SMU1: variants seen among roughly 807,000 people sequenced by gnomAD.
SMU1 encodes SMU1 DNA replication regulator and spliceosomal factor, also known as WD40 repeat-containing protein SMU1.
In SMU1, 2 loss-of-function variants were observed where a neutral mutation model predicts 62.0. That is an observed-to-expected ratio of 0.03 (90% CI 0.01 to 0.10). SMU1 has a LOEUF of 0.10. Ranked by LOEUF, SMU1 falls within the 10% of genes least tolerant of loss-of-function variation. The pLI, the probability that SMU1 is intolerant of heterozygous loss-of-function variation, is 1.00. For synonymous variants in SMU1, 188 were observed against 212.4 expected (o/e 0.89, Z 1.00); for missense variants, 227 against 622.1 (o/e 0.36, Z 6.76).
In SMU1 at chr9:33,057,676, C is replaced by T; in HGVS notation, c.789G>A (p.Met263Ile). Residue 263 changes from methionine to isoleucine, a missense_variant, in exon 7 of 12, where the codon ATG (methionine) becomes ATA (isoleucine). Around this residue, in one of 5 missense-constraint regions of SMU1, gnomAD observed 98 missense variants for 195.9 expected, o/e 0.50. Coordinates refer to ENST00000397149, the MANE Select transcript of SMU1 (RefSeq NM_018225.3). ...KYQAQDNFMM[M>I]DDAVLCMCFS... ...AACACATGCAGAGGACAGCATCATC[C>T]ATCATCATAAAGTTATCTTGGGCCT... 1.2e-6 allele frequency: 2 copies of T among 1,613,886 alleles called. No individual in the cohort carries two copies. Among genetic ancestry groups the T allele is most frequent in the South Asian group, 1.1e-5 (1 of 91,076 alleles).
At chr9:33,063,289 G>A (rs573924086) in intron 4 of SMU1, among the ~76,000 whole-genome samples, 1 of 152,090 alleles carries the variant, frequency 6.6e-6, no homozygotes, top group Non-Finnish European at 1.5e-5. Context: ...TTGAACCCGG[G>A]ACGCAGAGGT....
intron 4 of SMU1, among the ~76,000 whole-genome samples, chr9:33,065,518 T>C (rs887728057): frequency 6.6e-6 from 1 of 152,118 alleles, no homozygotes; most frequent in African/African-American, 2.4e-5. Context: ...AGTTAAATTT[T>C]AGAAGGTGAA....
chr9:33,074,451 A>C (rs2026830), intron 1 of SMU1, among the ~76,000 whole-genome samples: 47,331 of 148,452 alleles, frequency 0.32, 7,462 homozygotes, highest in Middle Eastern at 0.38. Context: ...CACACACACA[A>C]AAAAAAAAAT....
rs538127704 is a variant in SMU1 at position 33,043,734 on chromosome 9, C to G, written c.*3559G>C. ...GAGTGAGGCAAGAGAGAAAAAAAAC[C>G]TAGCTTCGGAGTCACATCTGGTTTT... On this transcript the variant is annotated 3_prime_UTR_variant, in exon 12 of 12. Coordinates refer to ENST00000397149, the MANE Select transcript of SMU1 (RefSeq NM_018225.3). The G allele has an allele frequency of 5.1e-4, 78 of 152,248 alleles. No homozygotes were observed. The highest frequency in any genetic ancestry group is 1.7e-3 in the African/African-American group (72 of 41,524). 9.4% of individuals were successfully genotyped at this position (152,248 alleles called of 1,614,324 possible).
intron 4 of SMU1, among the ~76,000 whole-genome samples, chr9:33,066,903 G>A (rs1839427521): frequency 6.6e-6 from 1 of 152,080 alleles, no homozygotes; most frequent in Non-Finnish European, 1.5e-5. Context: ...TCCTGGTACA[G>A]TAACTGTGCA....
intron 1 of SMU1, 95 bp downstream of exon 1, chr9:33,076,488 G>A: frequency 6.8e-7 from 1 of 1,463,006 alleles, no homozygotes; most frequent in Non-Finnish European, 9.5e-7. Context: ...TCCACTCCCT[G>A]GCCTCTCGGA....
chr9:33,064,054 C>T (rs1224222331), intron 4 of SMU1, among the ~76,000 whole-genome samples: 1 of 151,986 alleles, frequency 6.6e-6, no homozygotes, highest in Non-Finnish European at 1.5e-5. Flanking sequence ...TGAGCTTTAA[C>T]GTGATAAAGG....
At chr9:33,068,985 TG>T in intron 3 of SMU1, 51 bp from the exon 4 acceptor site, 1 of 1,588,946 alleles carries the variant, frequency 6.3e-7, no homozygotes, top group Non-Finnish European at 8.6e-7. Flanking sequence ...CAACAAGATA[TG>T]AGTGTGCTTA....
chr9:33,069,139 G>A (rs1216503492), intron 3 of SMU1, among the ~76,000 whole-genome samples: 1 of 152,168 alleles, frequency 6.6e-6, no homozygotes, highest in Non-Finnish European at 1.5e-5. Context: ...TATGAGTTGG[G>A]AGAAAACTGA....
In SMU1 at chr9:33,056,973, GAAAA is replaced by G. The variant is rs35445781; in HGVS notation, c.868-13_868-10del. 1.5e-6 allele frequency: 2 copies of G among 1,335,652 alleles called. No homozygotes were observed. Among genetic ancestry groups the G allele is most frequent in the Admixed American group, 2.2e-5 (1 of 45,168 alleles). The allele number at this position is 1,335,652 out of a possible 1,614,324, so 82.7% of individuals were successfully genotyped here. ...CTCTGAATCTTCCACACCTTTATTTGAAAAAAAAAAAAGAATTAAAAAAACCTTG... is the reference window on the plus strand; with the variant it reads ...CTCTGAATCTTCCACACCTTTATTTGAAAAAAAAGAATTAAAAAAACCTTG... On this transcript the variant is annotated splice_polypyrimidine_tract_variant and intron_variant, in intron 7 of 11. Transcript: ENST00000397149.
intron 6 of SMU1, among the ~76,000 whole-genome samples, chr9:33,058,406 T>TC (rs1303023543): frequency 6.6e-6 from 1 of 152,196 alleles, no homozygotes; most frequent in African/African-American, 2.4e-5. Context: ...AACCTCTGCC[T>TC]CCTGGGTTCG....
intron 1 of SMU1, among the ~76,000 whole-genome samples, chr9:33,074,451 A>ACACACACAC (rs201578552): frequency 6.2e-4 from 93 of 148,942 alleles, no homozygotes; most frequent in African/African-American, 2.2e-3. Context: ...CACACACACA[A>ACACACACAC]AAAAAAAAAT....
intron 1 of SMU1, among the ~76,000 whole-genome samples, chr9:33,075,172 C>T (rs1839532186): frequency 6.6e-6 from 1 of 152,110 alleles, no homozygotes; most frequent in Admixed American, 6.5e-5. Context: ...GTCAGGAGAT[C>T]GAGACCATCC....
At chr9:33,053,366 A>G in intron 9 of SMU1, 76 bp from the exon 10 acceptor site, 1 of 1,367,820 alleles carries the variant, frequency 7.3e-7, no homozygotes, top group Non-Finnish European at 1.0e-6. Flanking sequence ...TAAAATATTA[A>G]CAGTTTACTA....
chr9:33,062,293 A>C, intron 4 of SMU1, 116 bp from the exon 5 acceptor site: 2 of 1,384,892 alleles, frequency 1.4e-6, no homozygotes, highest in Admixed American at 4.8e-5. Flanking sequence ...GAGCCATCTA[A>C]ACCCCAACTA....
intron 10 of SMU1, among the ~76,000 whole-genome samples, chr9:33,050,651 C>A (rs1247515277): frequency 6.6e-6 from 1 of 151,108 alleles, no homozygotes; most frequent in Non-Finnish European, 1.5e-5. Context: ...GATGGTGCAA[C>A]CCTGTCTCTA....
chr9:33,056,335 C>T, intron 8 of SMU1, 96 bp from the exon 9 acceptor site: 1 of 1,265,158 alleles, frequency 7.9e-7, no homozygotes, highest in Non-Finnish European at 1.1e-6. Context: ...TACAGAAGCT[C>T]ATGTTATAAT....
At chr9:33,047,493 G>T in intron 11 of SMU1, 102 bp from the exon 12 acceptor site, 1 of 810,330 alleles carries the variant, frequency 1.2e-6, no homozygotes, top group Non-Finnish European at 1.9e-6. Context: ...ATCTTGGGAG[G>T]CCACATATTC....
At chr9:33,047,465 G>T in intron 11 of SMU1, 74 bp from the exon 12 acceptor site, 1 of 1,232,806 alleles carries the variant, frequency 8.1e-7, no homozygotes, top group Non-Finnish European at 1.2e-6. Flanking sequence ...TCCAGAGGTG[G>T]GTGGAAGGGA....
Sources: gnomAD v4.1 joint callset for allele counts (sites outside exome capture counted in the v4.1 genomes callset) on GRCh38, gnomAD v4.1.1 for gene constraint, gnomAD v4.1.1 regional missense constraint, MANE v1.5 for transcripts, NCBI Gene and HGNC (gene_info 2026-07-23, HGNC 2026-07-21) for gene names.